The following SLC10A2 variants were observed in gnomAD, a reference collection of about 807,000 sequenced individuals.
The protein encoded by SLC10A2 is solute carrier family 10 member 2, also known as ileal sodium/bile acid cotransporter.
Under a neutral mutation model 27.1 loss-of-function variants are expected in SLC10A2, and 34 were observed. The ratio of observed to expected loss-of-function variants is 1.26; its 90% confidence interval spans 0.96 to 1.67. The LOEUF (loss-of-function observed/expected upper bound fraction) is 1.67, where lower values mean the gene tolerates loss of function less well. Ranked by LOEUF, SLC10A2 falls within the 40% of genes most tolerant of loss-of-function variation. The pLI, the probability that SLC10A2 is intolerant of heterozygous loss-of-function variation, is 0.00. For missense variants in SLC10A2, 530 were observed against 444.4 expected, an observed-to-expected ratio of 1.19 and a Z score of -1.73; for synonymous variants, 205 against 174.0, an observed-to-expected ratio of 1.18 and a Z score of -1.40.
rs1312260570 is a variant in SLC10A2, at chr13:103,066,135, T to C, written c.115A>G (p.Thr39Ala). 1 of 1,614,072 alleles carries C rather than the reference T, an allele frequency of 6.2e-7. No individual in the cohort carries two copies. Among genetic ancestry groups the C allele is most frequent in the Non-Finnish European group, 8.5e-7 (1 of 1,179,954 alleles). ...AACATCACCAAGGCCAACAGGATGG[T>C]CAGCACCGTACTTAGGACCACACTT... ...ILSVVLSTVL[T>A]ILLALVMFSM... Residue 39 changes from threonine to alanine, a missense_variant, in exon 1 of 6, where the codon ACC becomes GCC. Coordinates refer to ENST00000245312, the MANE Select transcript of SLC10A2 (RefSeq NM_000452.3).
intron 2 of SLC10A2, among the ~76,000 whole-genome samples, chr13:103,056,664 G>A (rs757553834): frequency 5.3e-5 from 8 of 152,018 alleles, no homozygotes; most frequent in Non-Finnish European, 7.3e-5. Flanking sequence ...TATGGAAGGC[G>A]TCCGCTGACA....
At chr13:103,063,960 T>C (rs1876200772) in intron 1 of SLC10A2, among the ~76,000 whole-genome samples, 1 of 152,228 alleles carries the variant, frequency 6.6e-6, no homozygotes, top group East Asian at 1.9e-4. Context: ...TCTTCTCTTT[T>C]GCCCTTCCTA....
At chr13:103,054,163 A>T (rs767008587) in intron 2 of SLC10A2, among the ~76,000 whole-genome samples, 1 of 152,010 alleles carries the variant, frequency 6.6e-6, no homozygotes, top group Admixed American at 6.6e-5. Context: ...GTGAGTTCTC[A>T]TGTGATCTGG....
Position 103,052,618 on chromosome 13 carries a change from A to G in SLC10A2, c.585+2T>C. On this transcript the variant is annotated splice_donor_variant, in intron 3 of 5. Transcript: ENST00000245312. LOFTEE classifies it high-confidence loss of function. ...TTTAATGGTGTGAACTGGGATACTTACTTTAAGTATGATCTTTGCTTTTTG... is the reference window on the plus strand; with the variant it reads ...TTTAATGGTGTGAACTGGGATACTTGCTTTAAGTATGATCTTTGCTTTTTG... 6.3e-7 allele frequency: 1 copy of G among 1,591,510 alleles called. No homozygotes were observed. Among genetic ancestry groups the G allele is most frequent in the African/African-American group, 1.3e-5 (1 of 74,528 alleles).
chr13:103,051,721 C>T (rs55747972), intron 3 of SLC10A2, among the ~76,000 whole-genome samples: 2,741 of 152,276 alleles, frequency 0.018, 33 homozygotes, highest in Non-Finnish European at 0.028. Flanking sequence ...AAAGACAACC[C>T]ATTTCGATGA....
At chr13:103,051,488 T>C (rs1056094705) in intron 3 of SLC10A2, 56 bp from the exon 4 acceptor site, 1 of 1,585,268 alleles carries the variant, frequency 6.3e-7, no homozygotes, top group Non-Finnish European at 8.6e-7. Context: ...CAAATCCAAG[T>C]ATGTTTGTCA....
At chr13:103,060,286 C>G (rs1331891610) in intron 1 of SLC10A2, among the ~76,000 whole-genome samples, 1 of 151,920 alleles carries the variant, frequency 6.6e-6, no homozygotes, top group African/African-American at 2.4e-5. Context: ...TTACCAGTTT[C>G]CTTATCTAAA....
At chr13:103,047,138 T>C (rs923981386) in intron 5 of SLC10A2, among the ~76,000 whole-genome samples, 1 of 152,142 alleles carries the variant, frequency 6.6e-6, no homozygotes. Context: ...AGCTACCTCA[T>C]AGGGCAATTG....
chr13:103,066,324 G>A lies in SLC10A2; in HGVS notation c.-75C>T. Reference sequence around the variant, plus strand: ...GGGCCCTGGCTCTGCTGCTGGTTGAGTTAAGCAACGTTTACTTCTACCCCA... The same window carrying A: ...GGGCCCTGGCTCTGCTGCTGGTTGAATTAAGCAACGTTTACTTCTACCCCA... On this transcript the variant is annotated 5_prime_UTR_variant, in exon 1 of 6. Coordinates refer to ENST00000245312, the MANE Select transcript of SLC10A2 (RefSeq NM_000452.3). 2 of 1,490,200 alleles carry A rather than the reference G, an allele frequency of 1.3e-6. No homozygotes were observed. The highest frequency in any genetic ancestry group is 1.4e-5 in the South Asian group (1 of 72,570). 92.3% of individuals were successfully genotyped at this position (1,490,200 alleles called of 1,614,324 possible).
intron 4 of SLC10A2, 23 bp downstream of exon 4, chr13:103,051,234 A>G (rs1252387288): frequency 5.0e-6 from 8 of 1,611,030 alleles, no homozygotes; most frequent in Non-Finnish European, 5.9e-6. Flanking sequence ...AAAATTCCCA[A>G]TGTGATTTAC....
chr13:103,048,614 A>G (rs898705792), intron 5 of SLC10A2, among the ~76,000 whole-genome samples: 1 of 152,146 alleles, frequency 6.6e-6, no homozygotes, highest in Non-Finnish European at 1.5e-5. Flanking sequence ...TAGAGGTTAA[A>G]TATTATCAGC....
At chr13:103,053,055 T>G (rs1875833239) in intron 2 of SLC10A2, among the ~76,000 whole-genome samples, 3 of 150,770 alleles carry the variant, frequency 2.0e-5, no homozygotes, top group African/African-American at 7.4e-5. Flanking sequence ...TGGATCTTTA[T>G]ATCTCTAGGA....
In SLC10A2 at chr13:103,051,337, C is replaced by G; in HGVS notation, c.681G>C (p.Trp227Cys). 1 of 1,614,070 alleles carries G rather than the reference C, an allele frequency of 6.2e-7. No homozygotes were observed. Among genetic ancestry groups the G allele is most frequent in the Non-Finnish European group, 8.5e-7 (1 of 1,179,978 alleles). Residue 227 changes from tryptophan (W) to cysteine (C), a missense_variant, in exon 4 of 6, where the codon TGG becomes TGC. Physicochemically the swap from Trp to Cys is radical, Grantham distance 215. Coordinates refer to ENST00000245312, the MANE Select transcript of SLC10A2 (RefSeq NM_000452.3). ...QSAWIIAPKL[W>C]IIGTIFPVAG... ...CCACAGGAAATATTGTTCCTATAAT[C>G]CACAGTTTGGGAGCAATGATCCAGG... is the stretch of plus-strand genomic sequence containing the variant.
chr13:103,060,199 A>G (rs1049390868), intron 1 of SLC10A2, among the ~76,000 whole-genome samples: 3 of 152,144 alleles, frequency 2.0e-5, no homozygotes, highest in African/African-American at 7.2e-5. Context: ...CCTGAGCTCT[A>G]AAGCCACACA....
chr13:103,063,509 T>G (rs531950121), intron 1 of SLC10A2, among the ~76,000 whole-genome samples: 10 of 152,340 alleles, frequency 6.6e-5, no homozygotes, highest in African/African-American at 2.2e-4. Context: ...TAGGATTGTA[T>G]CTAAGTAAAT....
intron 2 of SLC10A2, among the ~76,000 whole-genome samples, chr13:103,054,286 C>T (rs2148161): frequency 6.6e-6 from 1 of 152,156 alleles, no homozygotes; most frequent in Admixed American, 6.5e-5. Flanking sequence ...CCTGAGGCCT[C>T]CCCTGCCATG....
At position 103,058,132 on chromosome 13, in the gene SLC10A2, T is replaced by C. The variant is rs983689474; in HGVS notation, c.496+132A>G. ...TCACTCTCCAAACGCAGGGGTGACTTTATAATGAAATCAGGCAAAAACTCC... is the reference window on the plus strand; with the variant it reads ...TCACTCTCCAAACGCAGGGGTGACTCTATAATGAAATCAGGCAAAAACTCC... On this transcript the variant is annotated intron_variant, in intron 2 of 5. Transcript: ENST00000245312. 7 of 763,506 alleles carry C rather than the reference T, an allele frequency of 9.2e-6. No homozygotes were observed. In the Admixed American group the frequency reaches 1.0e-4, roughly 11 times the overall value. The allele number at this position is 763,506 out of a possible 1,614,324, so 47.3% of individuals were successfully genotyped here.
At chr13:103,064,802 T>A (rs911008877) in intron 1 of SLC10A2, among the ~76,000 whole-genome samples, 7 of 151,874 alleles carry the variant, frequency 4.6e-5, no homozygotes, top group African/African-American at 1.7e-4. Context: ...TGTGAAAGAC[T>A]AAACCATATG....
intron 5 of SLC10A2, among the ~76,000 whole-genome samples, chr13:103,048,446 G>A (rs867433376): frequency 2.6e-5 from 4 of 151,242 alleles, no homozygotes; most frequent in Admixed American, 1.3e-4. Context: ...GAGAGAGAGA[G>A]AAAAGCAAAA....
Sources: allele counts gnomAD v4.1 joint callset (sites outside exome capture counted in the v4.1 genomes callset), GRCh38; gene constraint gnomAD v4.1.1; transcripts MANE v1.5; gene names NCBI Gene and HGNC (gene_info 2026-07-23, HGNC 2026-07-21).